MRPL3: variants seen among roughly 807,000 people sequenced by gnomAD.
MRPL3 encodes large ribosomal subunit protein uL3m.
MRPL3 carries 43 observed loss-of-function variants against 44.3 expected under a neutral mutation model. The ratio of observed to expected loss-of-function variants is 0.97; its 90% CI spans 0.76 to 1.25. The LOEUF (loss-of-function observed/expected upper bound fraction) is 1.25. Ranked by LOEUF, MRPL3 falls within the 50% of genes most tolerant of loss-of-function variation. The pLI is 0.00. For synonymous variants in MRPL3, 171 were observed against 152.3 expected (o/e 1.12, Z -0.91); for missense variants, 406 against 427.6 (o/e 0.95, Z 0.45).
intron 9 of MRPL3, among the ~76,000 whole-genome samples, chr3:131,467,199 G>C (rs78759709): frequency 6.6e-6 from 1 of 151,962 alleles, no homozygotes; most frequent in South Asian, 2.1e-4. Context: ...TTATTCTAGC[G>C]TGTGTGTGCA....
chr3:131,466,580 A>T (rs1467980208), intron 9 of MRPL3, among the ~76,000 whole-genome samples: 2 of 151,496 alleles, frequency 1.3e-5, no homozygotes, highest in African/African-American at 4.9e-5. Context: ...ATAATAAAAA[A>T]GCTCCCCCTC....
At chr3:131,490,869 A>AT (rs1351626552) in intron 4 of MRPL3, among the ~76,000 whole-genome samples, 1 of 152,204 alleles carries the variant, frequency 6.6e-6, no homozygotes, top group Non-Finnish European at 1.5e-5. Context: ...AGCACCTCAC[A>AT]TGATTTCTAT....
rs543163968 is a variant in MRPL3, at chr3:131,474,356, A to G, written c.630-3077T>C. Reference sequence around the variant, plus strand: ...ATCTAAAAAATGTTGCTATCATAGAAGTAGAGAGTGCAACAGTGATTACCC... The same window carrying G: ...ATCTAAAAAATGTTGCTATCATAGAGGTAGAGAGTGCAACAGTGATTACCC... On this transcript the variant is annotated intron_variant, in intron 6 of 9. Transcript: ENST00000264995. Among the ~76,000 whole-genome samples the G allele has an allele frequency of 1.6e-4, 25 of 152,300 alleles. No homozygotes were observed. The East Asian group carries it at 3.9e-3, about 23-fold the overall frequency.
Position 131,502,957 on chromosome 3 carries a change from G to A in MRPL3, c.-136C>T. The A allele has an allele frequency of 1.2e-6, 1 of 809,812 alleles. No homozygotes were observed. Among genetic ancestry groups the A allele is most frequent in the Non-Finnish European group, 2.1e-6 (1 of 482,388 alleles). 50.2% of individuals were successfully genotyped at this position (809,812 alleles called of 1,614,324 possible). On this transcript the variant is annotated 5_prime_UTR_variant, in exon 1 of 10. Coordinates refer to ENST00000264995, the MANE Select transcript of MRPL3 (RefSeq NM_007208.4). ...GCAATGGCCGCCGGAACGGTCGCCG[G>A]CCGATGCTCTCTGCGACGGAAAGAA...
At chr3:131,477,294 TC>T (rs1308391787) in intron 6 of MRPL3, among the ~76,000 whole-genome samples, 1 of 152,144 alleles carries the variant, frequency 6.6e-6, no homozygotes, top group African/African-American at 2.4e-5. Context: ...AAAATTCCCA[TC>T]CCCTGAGTAT....
intron 5 of MRPL3, among the ~76,000 whole-genome samples, chr3:131,489,095 C>T (rs1301286018): frequency 6.6e-6 from 1 of 151,710 alleles, no homozygotes; most frequent in African/African-American, 2.4e-5. Flanking sequence ...GTGTTAATAC[C>T]AAAGAGAATA....
chr3:131,478,755 C>T (rs1280252017), intron 6 of MRPL3, among the ~76,000 whole-genome samples: 2 of 144,654 alleles, frequency 1.4e-5, no homozygotes, highest in Non-Finnish European at 3.0e-5. Context: ...GTTTACCAGG[C>T]TGGAGTATAG....
chr3:131,486,641 T>G (rs1172952204), intron 6 of MRPL3, among the ~76,000 whole-genome samples: 1 of 151,730 alleles, frequency 6.6e-6, no homozygotes, highest in African/African-American at 2.4e-5. Context: ...CATCAAAAAG[T>G]GGGCAAAGGA....
chr3:131,487,097 T>C (rs1226268099), intron 6 of MRPL3: 1 of 152,352 alleles, frequency 6.6e-6, no homozygotes. Context: ...ATGTAGCACA[T>C]ATACACCATG....
chr3:131,472,170 A>G (rs1933757091), intron 6 of MRPL3, among the ~76,000 whole-genome samples: 1 of 152,194 alleles, frequency 6.6e-6, no homozygotes, highest in Admixed American at 6.5e-5. Flanking sequence ...GTACTAGTAC[A>G]ATAGAGGACT....
chr3:131,487,770 T>A (rs372570084), intron 5 of MRPL3, 30 bp from the exon 6 acceptor site: 1 of 1,585,972 alleles, frequency 6.3e-7, no homozygotes, highest in Non-Finnish European at 8.6e-7. Flanking sequence ...AAAATCAATA[T>A]GAAATTTGAC....
Position 131,487,758 on chromosome 3 carries a change from G to A in MRPL3, c.569-18C>T. 1 of 1,599,720 alleles carries A rather than the reference G, an allele frequency of 6.3e-7. No individual in the cohort carries two copies. The highest frequency in any genetic ancestry group is 8.5e-7 in the Non-Finnish European group (1 of 1,173,294). On this transcript the variant is annotated intron_variant, in intron 5 of 9. Transcript: ENST00000264995. Reference sequence around the variant, plus strand: ...AGGAGTGCCTTTATGAAAAGAAAATGAAAAATCAATATGAAATTTGACAGC... The same window carrying A: ...AGGAGTGCCTTTATGAAAAGAAAATAAAAAATCAATATGAAATTTGACAGC...
At chr3:131,489,627 T>C (rs1052272084) in intron 5 of MRPL3, among the ~76,000 whole-genome samples, 1 of 152,130 alleles carries the variant, frequency 6.6e-6, no homozygotes, top group Non-Finnish European at 1.5e-5. Context: ...TATTATATTT[T>C]CTCCAGTTCT....
At chr3:131,463,217 T>C (rs940567456) in intron 9 of MRPL3, among the ~76,000 whole-genome samples, 1 of 152,160 alleles carries the variant, frequency 6.6e-6, no homozygotes, top group Non-Finnish European at 1.5e-5. Context: ...TCAAATATAA[T>C]GACCTGACAA....
intron 6 of MRPL3, among the ~76,000 whole-genome samples, chr3:131,471,647 C>T (rs1489015455): frequency 6.6e-6 from 1 of 152,148 alleles, no homozygotes; most frequent in African/African-American, 2.4e-5. Context: ...ATATGGCAAG[C>T]AGCCATTAAG....
chr3:131,478,045 A>T (rs963324740), intron 6 of MRPL3, among the ~76,000 whole-genome samples: 1 of 152,222 alleles, frequency 6.6e-6, no homozygotes, highest in Non-Finnish European at 1.5e-5. Context: ...ATTGGGATAG[A>T]GTCATGCACA....
At chr3:131,501,862 A>G (rs748198484) in intron 1 of MRPL3, 147 bp from the exon 2 acceptor site, 24 of 1,548,602 alleles carry the variant, frequency 1.5e-5, no homozygotes, top group Admixed American at 7.7e-5. Context: ...CAGGTCTCCA[A>G]CCTTTTCCTC....
intron 4 of MRPL3, among the ~76,000 whole-genome samples, chr3:131,494,577 C>G (rs200497502): frequency 1.2e-4 from 18 of 152,238 alleles, no homozygotes; most frequent in African/African-American, 3.4e-4. Context: ...TCTAATAATA[C>G]AAAACAGACA....
chr3:131,496,115 A>G (rs1228036971), intron 4 of MRPL3, among the ~76,000 whole-genome samples: 2 of 152,238 alleles, frequency 1.3e-5, no homozygotes, highest in Non-Finnish European at 2.9e-5. Context: ...ATCAATTTAC[A>G]AAACTTGTAA....
Sources: gnomAD v4.1 joint callset for allele counts (sites outside exome capture counted in the v4.1 genomes callset) on GRCh38, gnomAD v4.1.1 for gene constraint, MANE v1.5 for transcripts, NCBI Gene and HGNC (gene_info 2026-07-23, HGNC 2026-07-21) for gene names.